LRRC4C: variants seen among roughly 807,000 people sequenced by gnomAD.
LRRC4C encodes leucine-rich repeat-containing protein 4C.
LRRC4C carries 5 observed loss-of-function variants against 33.6 expected under a neutral mutation model. That is an observed-to-expected ratio of 0.15 (90% CI 0.08 to 0.31). The LOEUF is 0.31. Among genes scored for constraint, LRRC4C ranks in the 10% least tolerant of loss-of-function variants. The pLI is 1.00. For synonymous variants in LRRC4C, 329 were observed against 302.0 expected (o/e 1.09, Z -0.93); for missense variants, 560 against 796.7 (o/e 0.70, Z 3.58).
At chr11:41,093,673 TG>T (rs1940592485) in intron 1 of LRRC4C, among the ~76,000 whole-genome samples, 1 of 152,142 alleles carries the variant, frequency 6.6e-6, no homozygotes, top group African/African-American at 2.4e-5. Context: ...AACCTCTTAC[TG>T]GGTTCCCCAT....
intron 1 of LRRC4C, among the ~76,000 whole-genome samples, chr11:41,189,929 A>T (rs567174834): frequency 9.2e-5 from 14 of 152,280 alleles, no homozygotes; most frequent in Admixed American, 6.5e-4. Context: ...CTAGGATTCA[A>T]TGTGCTAGCC....
chr11:41,365,689 T>C (rs1952509021), intron 1 of LRRC4C, among the ~76,000 whole-genome samples: 1 of 152,148 alleles, frequency 6.6e-6, no homozygotes, highest in Non-Finnish European at 1.5e-5. Flanking sequence ...GGAAAAAAAA[T>C]TGCTACTAAA....
chr11:41,166,165 A>C (rs1404298687), intron 1 of LRRC4C, among the ~76,000 whole-genome samples: 1 of 152,212 alleles, frequency 6.6e-6, no homozygotes, highest in Non-Finnish European at 1.5e-5. Flanking sequence ...TTACTAAATA[A>C]AACAAGGTGC....
chr11:41,018,699 C>G (rs935235652), intron 1 of LRRC4C, among the ~76,000 whole-genome samples: 1 of 152,106 alleles, frequency 6.6e-6, no homozygotes, highest in African/African-American at 2.4e-5. Context: ...TCTCTTGCTA[C>G]CAAAAGCTAT....
intron 1 of LRRC4C, among the ~76,000 whole-genome samples, chr11:41,117,555 A>G (rs1482562467): frequency 6.6e-6 from 1 of 152,162 alleles, no homozygotes; most frequent in Non-Finnish European, 1.5e-5. Context: ...AGAGTGGTGG[A>G]ATTAAGCATT....
At chr11:40,128,526 T>C (rs575138069) in intron 6 of LRRC4C, among the ~76,000 whole-genome samples, 13 of 152,358 alleles carry the variant, frequency 8.5e-5, no homozygotes, top group African/African-American at 3.1e-4. Context: ...TTAGATTGAA[T>C]TTTTAAATTA....
At chr11:41,152,982 C>T (rs1487185931) in intron 1 of LRRC4C, among the ~76,000 whole-genome samples, 4 of 152,126 alleles carry the variant, frequency 2.6e-5, no homozygotes, top group Non-Finnish European at 5.9e-5. Flanking sequence ...ATAAGGTTTG[C>T]CATGAGCTTC....
chr11:41,003,547 G>T (rs1048759197), intron 1 of LRRC4C, among the ~76,000 whole-genome samples: 1 of 152,006 alleles, frequency 6.6e-6, no homozygotes, highest in African/African-American at 2.4e-5. Context: ...ATTATGCTGA[G>T]GGATTGACAA....
intron 3 of LRRC4C, among the ~76,000 whole-genome samples, chr11:40,534,869 A>G (rs561362081): frequency 2.7e-4 from 41 of 152,202 alleles, no homozygotes; most frequent in Non-Finnish European, 5.3e-4. Flanking sequence ...ATACTTAAAT[A>G]TCTTCACACA....
chr11:41,447,148 C>A (rs1481989488), intron 1 of LRRC4C, among the ~76,000 whole-genome samples: 2 of 152,140 alleles, frequency 1.3e-5, no homozygotes, highest in Non-Finnish European at 2.9e-5. Context: ...TAAAACAGGA[C>A]TGCATCTTCT....
intron 2 of LRRC4C, among the ~76,000 whole-genome samples, chr11:40,691,565 C>CA (rs151061539): frequency 6.6e-6 from 1 of 152,130 alleles, no homozygotes; most frequent in East Asian, 1.9e-4. Context: ...AGGAAATACT[C>CA]AGAGAAGAAA....
Position 40,115,743 on chromosome 11 carries a change from T to C in LRRC4C, c.550A>G (p.Arg184Gly). The C allele has an allele frequency of 6.2e-7, 1 of 1,614,204 alleles. No homozygotes were observed. Among genetic ancestry groups the C allele is most frequent in the African/African-American group, 1.3e-5 (1 of 75,060 alleles). ...LRRLDLGELK[R>G]LSYISEGAFE... Reference sequence around the variant, plus strand: ...GCACCTTCTGAGATGTATGAAAGTCTTTTCAATTCCCCTAAGTCTAGTCGG... The same window carrying C: ...GCACCTTCTGAGATGTATGAAAGTCCTTTCAATTCCCCTAAGTCTAGTCGG... Residue 184 changes from arginine to glycine, a missense_variant, in exon 7 of 7, where the codon AGA becomes GGA. Arg to Gly is a moderately radical substitution (Grantham distance 125). This residue lies in a region of LRRC4C where 455 missense variants were observed against 643.8 expected (regional missense o/e 0.71). Coordinates refer to ENST00000528697, the MANE Select transcript of LRRC4C (RefSeq NM_001258419.2). The surrounding 1 kb of genome is among the most constrained non-coding windows in gnomAD (Gnocchi z 6.7).
chr11:40,360,537 T>A (rs1173736482), intron 3 of LRRC4C, among the ~76,000 whole-genome samples: 1 of 152,136 alleles, frequency 6.6e-6, no homozygotes, highest in East Asian at 1.9e-4. Flanking sequence ...CCTCAGAGGG[T>A]CTTGCCTCAA....
At chr11:40,730,053 A>T (rs1359604807) in intron 2 of LRRC4C, among the ~76,000 whole-genome samples, 1 of 151,854 alleles carries the variant, frequency 6.6e-6, no homozygotes, top group East Asian at 1.9e-4. Flanking sequence ...GGAATTGAAC[A>T]GTGAGATCAC....
intron 2 of LRRC4C, among the ~76,000 whole-genome samples, chr11:40,777,280 AG>A (rs1950038803): frequency 6.6e-6 from 1 of 152,030 alleles, no homozygotes; most frequent in South Asian, 2.1e-4. Context: ...TTTTGTTGTT[AG>A]TTTTCTACCT....
chr11:40,944,829 T>C (rs1281768248), intron 1 of LRRC4C, among the ~76,000 whole-genome samples: 1 of 152,150 alleles, frequency 6.6e-6, no homozygotes, highest in African/African-American at 2.4e-5. Flanking sequence ...CATTTAACAA[T>C]ATTTGACATT....
At chr11:41,455,108 T>G (rs1424198802) in intron 1 of LRRC4C, among the ~76,000 whole-genome samples, 1 of 152,134 alleles carries the variant, frequency 6.6e-6, no homozygotes, top group African/African-American at 2.4e-5. Context: ...TGTCATAACT[T>G]CCAAGTCAGC....
rs1398192260 is a variant in LRRC4C at position 41,307,316 on chromosome 11, C to T, written c.-496+152115G>A. On this transcript the variant is annotated intron_variant, in intron 1 of 6. Coordinates refer to ENST00000528697, the MANE Select transcript of LRRC4C (RefSeq NM_001258419.2). ...TTCCTCCTTCAATCTTTCACCATAACCTGTCGTTTAATAACCATGGCACGT... is the reference window on the plus strand; with the variant it reads ...TTCCTCCTTCAATCTTTCACCATAATCTGTCGTTTAATAACCATGGCACGT... Among the ~76,000 whole-genome samples the T allele has an allele frequency of 2.0e-5, 3 of 151,998 alleles. No homozygotes were observed. In the South Asian group the frequency reaches 6.2e-4, roughly 32 times the overall value.
chr11:40,290,303 A>T (rs1944105818), intron 4 of LRRC4C, among the ~76,000 whole-genome samples: 1 of 152,192 alleles, frequency 6.6e-6, no homozygotes, highest in South Asian at 2.1e-4. Context: ...ACGAATGCAA[A>T]AAAAGTGCAG....
Sources: gnomAD v4.1 joint callset for allele counts (sites outside exome capture counted in the v4.1 genomes callset) on GRCh38, gnomAD v4.1.1 for gene constraint, gnomAD v4.1.1 regional missense constraint, Gnocchi (gnomAD v3.1) non-coding constraint, MANE v1.5 for transcripts, NCBI Gene and HGNC (gene_info 2026-07-23, HGNC 2026-07-21) for gene names.